EEF2K: variants seen among roughly 807,000 people sequenced by gnomAD.
The protein encoded by EEF2K is alternative protein EEF2K.
A neutral mutation model predicts 93.8 loss-of-function variants in EEF2K; 70 were observed. That is an observed-to-expected ratio of 0.75 (90% CI 0.62 to 0.91). The LOEUF (loss-of-function observed/expected upper bound fraction) is 0.91, where lower values mean the gene tolerates loss of function less well. EEF2K is among the 40% of genes least tolerant of loss of function. EEF2K has a pLI of 0.00. For missense variants in EEF2K, 935 were observed against 972.9 expected (o/e 0.96, Z 0.52); for synonymous variants, 376 against 380.8 (o/e 0.99, Z 0.15).
intron 15 of EEF2K, 136 bp from the exon 16 acceptor site, chr16:22,273,490 C>A: frequency 1.5e-6 from 2 of 1,300,912 alleles, no homozygotes; most frequent in Non-Finnish European, 2.1e-6. Flanking sequence ...CAAGTGCCCC[C>A]TCCTATCTCA....
At chr16:22,269,409 A>G (rs548341231) in intron 15 of EEF2K, among the ~76,000 whole-genome samples, 1 of 151,820 alleles carries the variant, frequency 6.6e-6, no homozygotes, top group East Asian at 1.9e-4. Context: ...ATCTTAATAT[A>G]ACTATTTTTT....
rs1205919653 is a variant in EEF2K, at chr16:22,260,508, T to C, written c.1278T>C (p.His426=). ...SDLDNMASRD[H]DHLDNHRESE... is the part of the protein sequence containing the mutation. The stretch of plus-strand genomic sequence containing the variant: ...TCGATAACATGGCATCCAGAGACCA[T>C]GATCATCTAGACAACCACCGGGTGA... The change falls in exon 11 of 18, where the codon CAT becomes CAC. Residue 426 remains histidine (H), a synonymous_variant. Transcript: ENST00000263026. 1.2e-6 allele frequency: 2 copies of C among 1,614,130 alleles called. No individual in the cohort carries two copies. Among genetic ancestry groups the C allele is most frequent in the Non-Finnish European group, 8.5e-7 (1 of 1,180,028 alleles).
intron 15 of EEF2K, among the ~76,000 whole-genome samples, chr16:22,268,710 C>G (rs918855856): frequency 6.6e-6 from 1 of 151,886 alleles, no homozygotes; most frequent in African/African-American, 2.4e-5. Flanking sequence ...AATCCCAGCA[C>G]TTTGGGAGAT....
Position 22,280,260 on chromosome 16 carries a change from A to T in EEF2K, c.1952A>T (p.Asp651Val). 1 of 1,605,398 alleles carries T rather than the reference A, an allele frequency of 6.2e-7. No individual in the cohort carries two copies. Among genetic ancestry groups the T allele is most frequent in the Non-Finnish European group, 8.5e-7 (1 of 1,176,084 alleles). The change falls in exon 17 of 18, where the codon GAT (aspartate) becomes GTT (valine). Residue 651 changes from aspartate to valine, a missense_variant. Asp to Val is a radical substitution (Grantham distance 152). Transcript: ENST00000263026. ...ACTGCCCTGGAGATGACGGACTGTG[A>T]TGAGGGCGGTGAGTACGACGGAATG... ...YNTALEMTDCDEGGEYDGMQD... is the reference protein window; with the variant it reads ...YNTALEMTDCVEGGEYDGMQD...
intron 1 of EEF2K, among the ~76,000 whole-genome samples, chr16:22,223,485 G>T (rs1466422835): frequency 6.6e-6 from 1 of 152,092 alleles, no homozygotes; most frequent in African/African-American, 2.4e-5. Context: ...CGCCATGTTG[G>T]CCAGGCTGGT....
chr16:22,278,817 G>A (rs2047665461), intron 16 of EEF2K, among the ~76,000 whole-genome samples: 1 of 152,154 alleles, frequency 6.6e-6, no homozygotes, highest in Non-Finnish European at 1.5e-5. Flanking sequence ...AACTTTGTGT[G>A]CCCTGGCTGG....
Position 22,244,645 on chromosome 16 carries a change from G to C in EEF2K, c.262G>C (p.Ala88Pro), listed in dbSNP as rs1315933393. The stretch of plus-strand genomic sequence containing the variant: ...CCTTCCACAGGAAGCCTGGAAGCAC[G>C]CAATCCAGAAGGCCAAGCACATGCC... ...SFHFKEAWKHAIQKAKHMPDP... is the reference protein window; with the variant it reads ...SFHFKEAWKHPIQKAKHMPDP... Residue 88 changes from alanine to proline, a missense_variant, in exon 3 of 18, where the codon GCA (alanine) becomes CCA (proline). Physicochemically the swap from Ala to Pro is conservative, Grantham distance 27 (BLOSUM62 -1). Coordinates refer to ENST00000263026, the MANE Select transcript of EEF2K (RefSeq NM_013302.5). The C allele has an allele frequency of 1.2e-6, 2 of 1,613,770 alleles. No homozygotes were observed. The highest frequency in any genetic ancestry group is 1.7e-6 in the Non-Finnish European group (2 of 1,179,862).
intron 2 of EEF2K, among the ~76,000 whole-genome samples, chr16:22,243,320 C>T (rs996971667): frequency 2.7e-5 from 4 of 149,120 alleles, no homozygotes; most frequent in African/African-American, 9.9e-5. Flanking sequence ...GGCACAATCT[C>T]GGCTCACTAC....
At position 22,256,885 on chromosome 16, in the gene EEF2K, C is replaced by T. The variant is rs761965325; in HGVS notation, c.756C>T (p.Arg252=). ...NSGFVRDDNI[R]LTPQAFSHFT... ...GCTTTGTCCGCGATGACAACATCCG[C>T]CTGACGCCGCAGGTGAGGCCGAGCT... The change falls in exon 7 of 18, where the codon CGC becomes CGT. Residue 252 remains arginine, a synonymous_variant. Coordinates refer to ENST00000263026, the MANE Select transcript of EEF2K (RefSeq NM_013302.5). 3 of 1,614,060 alleles carry T rather than the reference C, an allele frequency of 1.9e-6. No individual in the cohort carries two copies. Among genetic ancestry groups the T allele is most frequent in the East Asian group, 2.2e-5 (1 of 44,882 alleles).
intron 6 of EEF2K, among the ~76,000 whole-genome samples, chr16:22,254,382 G>A (rs184415580): frequency 6.6e-6 from 1 of 152,228 alleles, no homozygotes; most frequent in Non-Finnish European, 1.5e-5. Context: ...CTTGTTTGGG[G>A]CAAGTTCTCA....
At chr16:22,243,223 G>C (rs1179055328) in intron 2 of EEF2K, among the ~76,000 whole-genome samples, 1 of 150,130 alleles carries the variant, frequency 6.7e-6, no homozygotes, top group Non-Finnish European at 1.5e-5. Context: ...GTAAGGTCAA[G>C]AATCTCCACC....
At chr16:22,261,308 G>A (rs780899871) in intron 11 of EEF2K, among the ~76,000 whole-genome samples, 2 of 152,044 alleles carry the variant, frequency 1.3e-5, no homozygotes, top group Admixed American at 6.6e-5. Context: ...CTGGGAGGCA[G>A]AGGCTGCAGT....
Position 22,286,437 on chromosome 16 carries a change from G to GT in EEF2K, c.*2442dup, listed in dbSNP as rs1452249467. The GT allele has an allele frequency of 6.6e-6, 1 of 152,144 alleles. No individual in the cohort carries two copies. The highest frequency in any genetic ancestry group is 2.1e-4 in the South Asian group (1 of 4,830). 9.4% of individuals were successfully genotyped at this position (152,144 alleles called of 1,614,324 possible). A position where few individuals can be genotyped will look rare whatever the true frequency, so the allele number is the denominator to read the frequency against. On this transcript the variant is annotated 3_prime_UTR_variant, in exon 18 of 18. Coordinates refer to ENST00000263026, the MANE Select transcript of EEF2K (RefSeq NM_013302.5). ...TGATCACTCGTTTAAGTTCTTAGTTGTATGTCATCTCTTCTCTAGCAGGAA... is the reference window on the plus strand; with the variant it reads ...TGATCACTCGTTTAAGTTCTTAGTTGTTATGTCATCTCTTCTCTAGCAGGAA...
At chr16:22,246,762 G>A (rs1040215037) in intron 3 of EEF2K, among the ~76,000 whole-genome samples, 10 of 151,826 alleles carry the variant, frequency 6.6e-5, no homozygotes, top group South Asian at 2.1e-4. Flanking sequence ...AGAATTGGCC[G>A]GGTGCGATGG....
intron 2 of EEF2K, among the ~76,000 whole-genome samples, chr16:22,242,036 A>G (rs1446836874): frequency 1.3e-5 from 2 of 152,084 alleles, no homozygotes; most frequent in Non-Finnish European, 2.9e-5. Context: ...CCAGCTACTC[A>G]GGAGGCTGAG....
Position 22,211,462 on chromosome 16 carries a change from G to A in EEF2K, c.-77+4783G>A, listed in dbSNP as rs369313883. On this transcript the variant is annotated intron_variant, in intron 1 of 17. Coordinates refer to ENST00000263026, the MANE Select transcript of EEF2K (RefSeq NM_013302.5). ...TTGTTTTTGTTTGTTTGTTTTTTCG[G>A]AGGTCTGGGGGCGGGGGGATAGAGT... Among the ~76,000 whole-genome samples, 89 of 152,180 alleles carry A rather than the reference G, an allele frequency of 5.8e-4. 1 individual carries two copies. The South Asian group carries it at 0.018, about 31-fold the overall frequency.
At chr16:22,228,300 C>T (rs889138268) in intron 2 of EEF2K, among the ~76,000 whole-genome samples, 1 of 152,040 alleles carries the variant, frequency 6.6e-6, no homozygotes, top group Non-Finnish European at 1.5e-5. Context: ...AAATTAATTA[C>T]CTTTTCCCAA....
chr16:22,230,379 A>T lies in EEF2K; in HGVS notation c.246+4404A>T, dbSNP rs182718414. 1.2e-3 allele frequency among the ~76,000 whole-genome samples: 175 copies of T among 151,792 alleles called. 2 individuals are homozygous for T. The highest frequency in any genetic ancestry group is 6.8e-3 in the Middle Eastern group (2 of 294). On this transcript the variant is annotated intron_variant, in intron 2 of 17. Coordinates refer to ENST00000263026, the MANE Select transcript of EEF2K (RefSeq NM_013302.5). ...CAGGTGCACGCCACTATGCCCTGCT[A>T]ATTTTTGTATTTTTCGTAGAGATAG...
At chr16:22,250,732 C>T (rs762339752) in intron 5 of EEF2K, 41 bp downstream of exon 5, 3 of 1,612,276 alleles carry the variant, frequency 1.9e-6, no homozygotes, top group Admixed American at 1.7e-5. Flanking sequence ...TGCCCAGAGT[C>T]CCCCCAGGCT....
Sources: allele counts gnomAD v4.1 joint callset (sites outside exome capture counted in the v4.1 genomes callset), GRCh38; gene constraint gnomAD v4.1.1; transcripts MANE v1.5; gene names NCBI Gene and HGNC (gene_info 2026-07-23, HGNC 2026-07-21).